Variants in ZBTB20 observed in about 807,000 individuals in gnomAD.
ZBTB20 encodes the protein zinc finger and BTB domain containing 20.
Under a neutral mutation model 56.9 loss-of-function variants are expected in ZBTB20, and 9 were observed. The ratio of observed to expected loss-of-function variants is 0.16; its 90% CI spans 0.10 to 0.28. The LOEUF (loss-of-function observed/expected upper bound fraction) is 0.28. Ranked by LOEUF, ZBTB20 falls within the 10% of genes least tolerant of loss-of-function variation. The probability of loss-of-function intolerance (pLI) is 1.00; values close to 1 mark genes in which losing one functional copy is unlikely to be tolerated. For missense variants in ZBTB20, 655 were observed against 1,003.0 expected (o/e 0.65, Z 4.69); for synonymous variants, 417 against 420.7 (o/e 0.99, Z 0.11).
chr3:114,589,730 C>A (rs959256820), intron 6 of ZBTB20, among the ~76,000 whole-genome samples: 3 of 152,158 alleles, frequency 2.0e-5, no homozygotes, highest in African/African-American at 4.8e-5. Flanking sequence ...TTCCCACCAA[C>A]CTGTGAACAC....
intron 2 of ZBTB20, among the ~76,000 whole-genome samples, chr3:115,019,765 T>C (rs776688916): frequency 2.0e-5 from 3 of 151,190 alleles, no homozygotes; most frequent in Non-Finnish European, 4.4e-5. Flanking sequence ...CTTCCTAAGT[T>C]ACAGACATCC....
At chr3:114,930,217 G>C (rs910744421) in intron 3 of ZBTB20, among the ~76,000 whole-genome samples, 3 of 152,110 alleles carry the variant, frequency 2.0e-5, no homozygotes, top group Admixed American at 6.5e-5. Flanking sequence ...TAGGTCACCA[G>C]GGCACGGTAC....
At chr3:114,475,825 T>G (rs1274868669) in intron 7 of ZBTB20, among the ~76,000 whole-genome samples, 1 of 152,156 alleles carries the variant, frequency 6.6e-6, no homozygotes, top group Non-Finnish European at 1.5e-5. Context: ...TAGAAACAAA[T>G]TTGAATTGTA....
intron 3 of ZBTB20, among the ~76,000 whole-genome samples, chr3:114,941,472 G>A (rs1452912875): frequency 6.9e-6 from 1 of 145,954 alleles, no homozygotes; most frequent in Admixed American, 6.6e-5. Flanking sequence ...AACACACTTA[G>A]GACCGTAAAT....
intron 6 of ZBTB20, among the ~76,000 whole-genome samples, chr3:114,611,941 C>A (rs1036359345): frequency 6.6e-6 from 1 of 152,180 alleles, no homozygotes; most frequent in African/African-American, 2.4e-5. Flanking sequence ...TCATCACCCA[C>A]AAAAAATAAA....
intron 4 of ZBTB20, among the ~76,000 whole-genome samples, chr3:114,804,110 T>C (rs1360202958): frequency 1.3e-5 from 2 of 152,014 alleles, no homozygotes; most frequent in Non-Finnish European, 2.9e-5. Context: ...AAAAGAGTTG[T>C]ACATTCTGCA....
intron 7 of ZBTB20, among the ~76,000 whole-genome samples, chr3:114,465,690 G>C (rs144385847): frequency 1.1e-3 from 172 of 151,566 alleles, no homozygotes; most frequent in African/African-American, 3.9e-3. Context: ...CTGAGTGACA[G>C]AGTGAGATTC....
intron 3 of ZBTB20, among the ~76,000 whole-genome samples, chr3:114,947,395 T>C (rs1576396185): frequency 1.4e-5 from 2 of 146,428 alleles, no homozygotes; most frequent in East Asian, 3.9e-4. Flanking sequence ...AGCAAAGATA[T>C]GGAGCCAACT....
chr3:114,406,177 T>A (rs1462158931), intron 7 of ZBTB20, among the ~76,000 whole-genome samples: 2 of 152,172 alleles, frequency 1.3e-5, no homozygotes, highest in Non-Finnish European at 2.9e-5. Flanking sequence ...CAAAAGCACA[T>A]GTAATGAACT....
chr3:114,499,221 G>A (rs2043651865), intron 7 of ZBTB20, among the ~76,000 whole-genome samples: 1 of 152,150 alleles, frequency 6.6e-6, no homozygotes, highest in African/African-American at 2.4e-5. Context: ...TTGTATAAAT[G>A]CATTACACAC....
intron 5 of ZBTB20, among the ~76,000 whole-genome samples, chr3:114,748,202 A>G (rs928155729): frequency 2.6e-5 from 4 of 152,104 alleles, no homozygotes; most frequent in African/African-American, 7.2e-5. Context: ...AAGACCCAGA[A>G]TCTTAACATA....
intron 1 of ZBTB20, among the ~76,000 whole-genome samples, chr3:115,097,031 T>C (rs9830947): frequency 0.13 from 19,855 of 152,168 alleles, 1,959 homozygotes; most frequent in East Asian, 0.59. Flanking sequence ...GAAACCCTAA[T>C]GAGTAAAATC....
intron 2 of ZBTB20, among the ~76,000 whole-genome samples, chr3:114,989,458 T>C (rs1180795160): frequency 6.6e-6 from 1 of 152,208 alleles, no homozygotes; most frequent in African/African-American, 2.4e-5. Context: ...TCCATTGCTC[T>C]ATCTCTCTGT....
At position 114,738,741 on chromosome 3, in the gene ZBTB20, A is replaced by C. The variant is rs181711545; in HGVS notation, c.-342-45166T>G. Among the ~76,000 whole-genome samples, 55 of 152,328 alleles carry C rather than the reference A, an allele frequency of 3.6e-4. 1 individual carries two copies. The highest frequency in any genetic ancestry group is 1.2e-3 in the African/African-American group (51 of 41,576). The stretch of plus-strand genomic sequence containing the variant: ...ATCCTATAGTGTCAATTAAGTAAAA[A>C]TTCTGACCAAACAGATGTATTTGTA... On this transcript the variant is annotated intron_variant, in intron 5 of 11. Transcript: ENST00000675478.
intron 10 of ZBTB20, among the ~76,000 whole-genome samples, chr3:114,373,627 C>T (rs1481059177): frequency 6.6e-6 from 1 of 152,092 alleles, no homozygotes; most frequent in African/African-American, 2.4e-5. Context: ...GCTCTTTCCT[C>T]GGGGGCTCTG....
chr3:115,076,505 A>G (rs1306740787), intron 1 of ZBTB20, among the ~76,000 whole-genome samples: 2 of 152,184 alleles, frequency 1.3e-5, no homozygotes, highest in Non-Finnish European at 2.9e-5. Context: ...GCAAAATAAT[A>G]AAATTGGACC....
At chr3:114,575,489 G>C (rs1015609811) in intron 6 of ZBTB20, among the ~76,000 whole-genome samples, 21 of 151,180 alleles carry the variant, frequency 1.4e-4, no homozygotes, top group Middle Eastern at 3.4e-3. Context: ...TTTTCACTAA[G>C]TTTCTTAATC....
intron 4 of ZBTB20, among the ~76,000 whole-genome samples, chr3:114,890,460 A>G (rs1382553887): frequency 6.6e-6 from 1 of 152,202 alleles, no homozygotes; most frequent in Admixed American, 6.5e-5. Flanking sequence ...AGGGACATGG[A>G]TGAAGCTAGA....
intron 5 of ZBTB20, among the ~76,000 whole-genome samples, chr3:114,781,491 T>A (rs1214763126): frequency 1.3e-5 from 2 of 152,244 alleles, no homozygotes; most frequent in Non-Finnish European, 2.9e-5. Flanking sequence ...TTCATACCAA[T>A]ATTTTATTTC....
Sources: allele counts gnomAD v4.1 joint callset (sites outside exome capture counted in the v4.1 genomes callset), GRCh38; gene constraint gnomAD v4.1.1; transcripts MANE v1.5; gene names NCBI Gene and HGNC (gene_info 2026-07-23, HGNC 2026-07-21).